LY96: variants seen among roughly 807,000 people sequenced by gnomAD.
LY96 encodes lymphocyte antigen 96.
Under a neutral mutation model 18.9 loss-of-function variants are expected in LY96, and 18 were observed. The ratio of observed to expected loss-of-function variants is 0.95; its 90% CI spans 0.66 to 1.41. The LOEUF (loss-of-function observed/expected upper bound fraction) is 1.41, where lower values mean the gene tolerates loss of function less well. Ranked by LOEUF, LY96 falls within the 40% of genes most tolerant of loss-of-function variation. The pLI is 0.00. For synonymous variants in LY96, 66 were observed against 62.6 expected (o/e 1.06, Z -0.26); for missense variants, 175 against 182.4 (o/e 0.96, Z 0.23).
the LY96 span, among the ~76,000 whole-genome samples, chr8:74,091,306 C>G: frequency 2.6e-5 from 4 of 152,226 alleles, no homozygotes; most frequent in African/African-American, 9.6e-5. Context: ...GATTGCATCT[C>G]TTGGAACCCT....
At chr8:74,047,245 G>C in the LY96 span, among the ~76,000 whole-genome samples, 1 of 152,128 alleles carries the variant, frequency 6.6e-6, no homozygotes, top group Non-Finnish European at 1.5e-5. Flanking sequence ...CTGAATTTGT[G>C]AAAGAGCCCG....
the LY96 span, among the ~76,000 whole-genome samples, chr8:74,038,248 A>T: frequency 6.6e-6 from 1 of 152,150 alleles, no homozygotes; most frequent in African/African-American, 2.4e-5. Flanking sequence ...ATTAATTTTG[A>T]TTATAGTCAC....
At chr8:74,049,196 C>T in the LY96 span, among the ~76,000 whole-genome samples, 1 of 152,208 alleles carries the variant, frequency 6.6e-6, no homozygotes, top group African/African-American at 2.4e-5. Flanking sequence ...TATCCTGTGC[C>T]TGGTACACAG....
the LY96 span, among the ~76,000 whole-genome samples, chr8:74,054,494 CTTT>C: frequency 6.6e-6 from 1 of 150,448 alleles, no homozygotes; most frequent in Admixed American, 6.6e-5. Context: ...ATTTTCTTTT[CTTT>C]TCTTTTTTTT....
chr8:74,074,736 T>C, the LY96 span, among the ~76,000 whole-genome samples: 1 of 152,246 alleles, frequency 6.6e-6, no homozygotes. Context: ...AATTTCTTCA[T>C]TGACCCACTA....
At chr8:73,998,796 A>G (rs1439161416) in intron 1 of LY96, among the ~76,000 whole-genome samples, 2 of 152,284 alleles carry the variant, frequency 1.3e-5, no homozygotes, top group Admixed American at 6.5e-5. Context: ...TTGTCTTCCA[A>G]TCTATGAGCA....
the LY96 span, among the ~76,000 whole-genome samples, chr8:74,098,088 G>A: frequency 6.6e-6 from 1 of 152,170 alleles, no homozygotes; most frequent in East Asian, 1.9e-4. Flanking sequence ...ACTGTCTCAG[G>A]CCAATTACTG....
chr8:74,013,413 G>A (rs1156761762), intron 3 of LY96, among the ~76,000 whole-genome samples: 1 of 152,000 alleles, frequency 6.6e-6, no homozygotes, highest in Non-Finnish European at 1.5e-5. Context: ...GAGATTACAG[G>A]TGTGAGCCAC....
At chr8:74,085,980 T>A in the LY96 span, among the ~76,000 whole-genome samples, 1 of 152,092 alleles carries the variant, frequency 6.6e-6, no homozygotes, top group African/African-American at 2.4e-5. Context: ...GTAAATTAGA[T>A]CCCTAGGACA....
At chr8:74,065,934 G>A in the LY96 span, among the ~76,000 whole-genome samples, 1 of 152,114 alleles carries the variant, frequency 6.6e-6, no homozygotes, top group Non-Finnish European at 1.5e-5. Context: ...AGTTATACAT[G>A]GCATACTTTG....
the LY96 span, among the ~76,000 whole-genome samples, chr8:74,083,099 C>G: frequency 6.6e-6 from 1 of 152,086 alleles, no homozygotes; most frequent in Non-Finnish European, 1.5e-5. Context: ...AGGTATTATA[C>G]AGATGTTTAT....
chr8:74,007,077 C>G lies in LY96; in HGVS notation c.202+2192C>G, dbSNP rs111433769. Among the ~76,000 whole-genome samples the G allele has an allele frequency of 3.5e-3, 532 of 152,318 alleles. 2 individuals are homozygous for G. Among genetic ancestry groups the G allele is most frequent in the Middle Eastern group, 0.014 (4 of 294 alleles). Reference sequence around the variant, plus strand: ...GGATAATCCTCAGACCAGAATGCATCCCTGAGACACTCTTGGGCTGGGCCA... The same window carrying G: ...GGATAATCCTCAGACCAGAATGCATGCCTGAGACACTCTTGGGCTGGGCCA... On this transcript the variant is annotated intron_variant, in intron 2 of 4. Transcript: ENST00000284818.
the LY96 span, among the ~76,000 whole-genome samples, chr8:74,039,858 T>A: frequency 3.0e-4 from 46 of 152,250 alleles, 2 homozygotes; most frequent in East Asian, 7.9e-3. Context: ...CACCACAGGA[T>A]GGGGTTTAGG....
the LY96 span, among the ~76,000 whole-genome samples, chr8:74,085,723 A>G: frequency 6.6e-6 from 1 of 151,962 alleles, no homozygotes; most frequent in Non-Finnish European, 1.5e-5. Context: ...CTTTTTTTAA[A>G]TTTAATTTTT....
chr8:74,086,199 C>T, the LY96 span, among the ~76,000 whole-genome samples: 1 of 152,188 alleles, frequency 6.6e-6, no homozygotes, highest in Non-Finnish European at 1.5e-5. Context: ...CAATCGGAGT[C>T]ATTCCCCTGA....
intron 3 of LY96, among the ~76,000 whole-genome samples, chr8:74,010,938 C>G (rs1453350734): frequency 6.6e-6 from 1 of 151,224 alleles, no homozygotes; most frequent in Non-Finnish European, 1.5e-5. Context: ...ATTTCTTTTA[C>G]ACAATCTCTG....
At chr8:74,074,859 A>C in the LY96 span, among the ~76,000 whole-genome samples, 1 of 152,190 alleles carries the variant, frequency 6.6e-6, no homozygotes, top group African/African-American at 2.4e-5. Flanking sequence ...ACTGGATATT[A>C]TTTCAATTTT....
chr8:74,011,615 CT>C (rs1387288614), intron 3 of LY96, among the ~76,000 whole-genome samples: 3 of 152,142 alleles, frequency 2.0e-5, no homozygotes, highest in Non-Finnish European at 4.4e-5. Context: ...AATCCCAGCA[CT>C]TTGGGATACC....
At chr8:74,068,887 C>CT in the LY96 span, among the ~76,000 whole-genome samples, 12,298 of 152,222 alleles carry the variant, frequency 0.081, 846 homozygotes, top group African/African-American at 0.19. Context: ...CCTCCGCCTC[C>CT]GGGTTCCAGC....
Sources: allele counts gnomAD v4.1 joint callset (sites outside exome capture counted in the v4.1 genomes callset), GRCh38; gene constraint gnomAD v4.1.1; transcripts MANE v1.5; gene names NCBI Gene and HGNC (gene_info 2026-07-23, HGNC 2026-07-21).